PSMB5: variants seen among roughly 807,000 people sequenced by gnomAD.
The protein encoded by PSMB5 is proteasome 20S subunit beta 5.
PSMB5 carries 2 observed loss-of-function variants against 22.8 expected under a neutral mutation model. The observed-to-expected ratio is 0.09, with a 90% CI of 0.04 to 0.28. The LOEUF (loss-of-function observed/expected upper bound fraction) is 0.28, where lower values mean the gene tolerates loss of function less well. Ranked by LOEUF, PSMB5 falls within the 10% of genes least tolerant of loss-of-function variation. The pLI is 1.00. For synonymous variants in PSMB5, 133 were observed against 135.3 expected (o/e 0.98, Z 0.12); for missense variants, 269 against 343.8 (o/e 0.78, Z 1.72).
At position 23,026,008 on chromosome 14, in the gene PSMB5, T is replaced by C. The variant is rs1341345503; in HGVS notation, c.*81A>G. The C allele has an allele frequency of 1.5e-5, 24 of 1,565,600 alleles. No individual in the cohort carries two copies. Among genetic ancestry groups the C allele is most frequent in the Non-Finnish European group, 2.0e-5 (23 of 1,154,426 alleles). On this transcript the variant is annotated 3_prime_UTR_variant, in exon 3 of 3. Transcript: ENST00000361611. ...CAATTGAAGGCCCTTCCACTATAAA[T>C]AGGATGGAGGATGGGTCACTGTGTC...
chr14:23,027,683 A>C, intron 2 of PSMB5: 1 of 1,222,138 alleles, frequency 8.2e-7, no homozygotes, highest in Non-Finnish European at 1.1e-6. Flanking sequence ...ATAAAATTTA[A>C]TATTAAGACT....
At chr14:23,035,077 T>G (rs2046982482), upstream of PSMB5, 1 of 1,099,888 alleles carries the variant, frequency 9.1e-7, no homozygotes, top group Non-Finnish European at 1.2e-6. Flanking sequence ...GGGAAATAGA[T>G]GGCTTCACTA....
chr14:23,029,417 C>T (rs1299160156), intron 2 of PSMB5, among the ~76,000 whole-genome samples: 3 of 152,156 alleles, frequency 2.0e-5, no homozygotes, highest in Non-Finnish European at 4.4e-5. Flanking sequence ...TTGTTATGTT[C>T]CCTTTCCCTT....
In PSMB5 at chr14:23,026,054, C is replaced by T; in HGVS notation, c.*35G>A. On this transcript the variant is annotated 3_prime_UTR_variant, in exon 3 of 3. Transcript: ENST00000361611. ...GTGTCCGTATTACCAATGACAGTCA[C>T]CCCAAGAAACACAAGCAGCTGCATC... The T allele has an allele frequency of 6.2e-7, 1 of 1,607,174 alleles. No individual in the cohort carries two copies. The highest frequency in any genetic ancestry group is 8.5e-7 in the Non-Finnish European group (1 of 1,175,566).
chr14:23,033,833 C>T (rs138609191), intron 1 of PSMB5, among the ~76,000 whole-genome samples, 159 bp from the exon 2 acceptor site: 1 of 152,298 alleles, frequency 6.6e-6, no homozygotes, highest in African/African-American at 2.4e-5. Flanking sequence ...TAATGTCACC[C>T]GAGCTTCACA....
chr14:23,035,061 G>T, upstream of PSMB5: 3 of 1,275,416 alleles, frequency 2.4e-6, no homozygotes, highest in Non-Finnish European at 3.1e-6. Context: ...TCACTGAAGG[G>T]GGTCGGGGAA....
chr14:23,033,055 C>T (rs867462176), intron 2 of PSMB5, among the ~76,000 whole-genome samples: 12 of 149,474 alleles, frequency 8.0e-5, no homozygotes, highest in African/African-American at 1.7e-4. Context: ...TACAGGCGCC[C>T]GCCACCACGC....
Position 23,033,348 on chromosome 14 carries a change from G to C in PSMB5, c.505+20C>G. ...ACTGTAGTGTCAGCCCAAGGATCAT[G>C]TGGTTGCAGCTTAACTCACCAGGGC... is the stretch of plus-strand genomic sequence containing the variant. On this transcript the variant is annotated intron_variant, in intron 2 of 2. Coordinates refer to ENST00000361611, the MANE Select transcript of PSMB5 (RefSeq NM_002797.5). 6.3e-7 allele frequency: 1 copy of C among 1,598,444 alleles called. No homozygotes were observed. Among genetic ancestry groups the C allele is most frequent in the Non-Finnish European group, 8.6e-7 (1 of 1,168,692 alleles).
In PSMB5 at chr14:23,034,873, A is replaced by C. The variant is rs769612712; in HGVS notation, c.9T>G (p.Leu3=). MA[L]ASVLERPLPV... is the part of the protein sequence containing the mutation. ...GTAGCGGTCTCTCCAACACGCTGGC[A>C]AGCGCCATGTCTAGTGTGGGCAGAA... The change falls in exon 1 of 3, where the codon CTT becomes CTG. Residue 3 remains leucine, a synonymous_variant. Coordinates refer to ENST00000361611, the MANE Select transcript of PSMB5 (RefSeq NM_002797.5). 3 of 1,614,018 alleles carry C rather than the reference A, an allele frequency of 1.9e-6. No individual in the cohort carries two copies. The highest frequency in any genetic ancestry group is 2.5e-6 in the Non-Finnish European group (3 of 1,180,004).
At chr14:23,029,547 TTGAC>T (rs1206494348) in intron 2 of PSMB5, among the ~76,000 whole-genome samples, 1 of 152,340 alleles carries the variant, frequency 6.6e-6, no homozygotes, top group Non-Finnish European at 1.5e-5. Flanking sequence ...TATTTATTGA[TTGAC>T]TGACTGATTT....
intron 2 of PSMB5, among the ~76,000 whole-genome samples, chr14:23,032,114 CA>C (rs1304365464): frequency 6.6e-6 from 1 of 151,920 alleles, no homozygotes; most frequent in Non-Finnish European, 1.5e-5. Flanking sequence ...GAGAGGAGCC[CA>C]AAAGGCCCCT....
At chr14:23,029,383 C>A (rs2046937329) in intron 2 of PSMB5, among the ~76,000 whole-genome samples, 1 of 152,206 alleles carries the variant, frequency 6.6e-6, no homozygotes, top group Non-Finnish European at 1.5e-5. Context: ...TCCTCAAAAG[C>A]TCATGCTTCT....
rs1219381266 is a variant in PSMB5, at chr14:23,025,965, T to TA, written c.*123dup. On this transcript the variant is annotated 3_prime_UTR_variant, in exon 3 of 3. Transcript: ENST00000361611. ...ACATAGAGGTCAATGTGCCAGAGCT[T>TA]AAAAAAAAGTACTGATACAATTGAA... 4.0e-6 allele frequency: 6 copies of TA among 1,516,582 alleles called. No homozygotes were observed. Among genetic ancestry groups the TA allele is most frequent in the Middle Eastern group, 2.5e-4 (1 of 4,044 alleles). 93.9% of individuals were successfully genotyped at this position (1,516,582 alleles called of 1,614,324 possible).
At chr14:23,033,713 A>G (rs761462667) in intron 1 of PSMB5, 39 bp from the exon 2 acceptor site, 1 of 1,567,268 alleles carries the variant, frequency 6.4e-7, no homozygotes, top group African/African-American at 1.4e-5. Context: ...AGGCCACATA[A>G]GACCACAAAA....
Position 23,025,902 on chromosome 14 carries a change from A to G in PSMB5, c.*187T>C. 1 of 1,435,016 alleles carries G rather than the reference A, an allele frequency of 7.0e-7. No individual in the cohort carries two copies. Among genetic ancestry groups the G allele is most frequent in the South Asian group, 1.5e-5 (1 of 66,866 alleles). 88.9% of individuals were successfully genotyped at this position (1,435,016 alleles called of 1,614,324 possible). ...GTTAACATCCAAGAAAGTAAAACAA[A>G]TAGTCACCTCTGCAGCAGCTCATTA... is the stretch of plus-strand genomic sequence containing the variant. On this transcript the variant is annotated 3_prime_UTR_variant, in exon 3 of 3. Coordinates refer to ENST00000361611, the MANE Select transcript of PSMB5 (RefSeq NM_002797.5).
At chr14:23,031,239 C>T (rs1186727390) in intron 2 of PSMB5, among the ~76,000 whole-genome samples, 1 of 152,210 alleles carries the variant, frequency 6.6e-6, no homozygotes, top group Non-Finnish European at 1.5e-5. Flanking sequence ...TAGAACAAAT[C>T]CGCCAGCTAA....
At chr14:23,029,389 C>A (rs1211791231) in intron 2 of PSMB5, among the ~76,000 whole-genome samples, 4 of 152,106 alleles carry the variant, frequency 2.6e-5, no homozygotes, top group Admixed American at 2.0e-4. Context: ...AAAGCTCATG[C>A]TTCTTTCCTC....
chr14:23,026,494 A>C, intron 2 of PSMB5, 119 bp from the exon 3 acceptor site: 1 of 1,381,292 alleles, frequency 7.2e-7, no homozygotes, highest in Non-Finnish European at 9.6e-7. Flanking sequence ...TTGTTGCCCA[A>C]GCTAGAGTGC....
chr14:23,028,193 C>T lies in PSMB5; in HGVS notation c.506-1818G>A, dbSNP rs568620647. On this transcript the variant is annotated intron_variant, in intron 2 of 2. Coordinates refer to ENST00000361611, the MANE Select transcript of PSMB5 (RefSeq NM_002797.5). The stretch of plus-strand genomic sequence containing the variant: ...TCCCCACTCCCCCATCAAAAGACCC[C>T]ATAATCCCAGTCACTTGAGCCCAGG... Among the ~76,000 whole-genome samples the T allele has an allele frequency of 2.0e-5, 3 of 152,244 alleles. No individual in the cohort carries two copies. The East Asian group carries it at 5.8e-4, about 29-fold the overall frequency.
Sources: allele counts gnomAD v4.1 joint callset (sites outside exome capture counted in the v4.1 genomes callset), GRCh38; gene constraint gnomAD v4.1.1; transcripts MANE v1.5; gene names NCBI Gene and HGNC (gene_info 2026-07-23, HGNC 2026-07-21).